MAPKAPK3: variants seen among roughly 807,000 people sequenced by gnomAD.
MAPKAPK3 encodes the protein MAP kinase-activated protein kinase 3.
Under a neutral mutation model 49.2 loss-of-function variants are expected in MAPKAPK3, and 35 were observed. The ratio of observed to expected loss-of-function variants is 0.71; its 90% CI spans 0.54 to 0.94. The LOEUF is 0.94. Ranked by LOEUF, MAPKAPK3 falls within the 40% of genes least tolerant of loss-of-function variation. The pLI, the probability that MAPKAPK3 is intolerant of heterozygous loss-of-function variation, is 0.00. For synonymous variants in MAPKAPK3, 178 were observed against 188.7 expected, an observed-to-expected ratio of 0.94 and a Z score of 0.46; for missense variants, 398 against 493.1, an observed-to-expected ratio of 0.81 and a Z score of 1.83.
chr3:50,611,711 A>C, upstream of MAPKAPK3: 1 of 1,438,516 alleles, frequency 7.0e-7, no homozygotes, highest in Non-Finnish European at 9.1e-7. Context: ...GGCTGGAGGG[A>C]ACCAGTGGGC....
intron 7 of MAPKAPK3, 68 bp from the exon 8 acceptor site, chr3:50,646,072 T>C: frequency 3.2e-6 from 5 of 1,567,124 alleles, no homozygotes; most frequent in Non-Finnish European, 4.3e-6. Context: ...TCAGGGGCTT[T>C]TGAGGGGAAA....
chr3:50,611,794 C>T, upstream of MAPKAPK3: 2 of 1,143,638 alleles, frequency 1.7e-6, no homozygotes, highest in Non-Finnish European at 1.1e-6. Context: ...TGGCGCGGAC[C>T]GCCTGCGAGG....
intron 2 of MAPKAPK3, among the ~76,000 whole-genome samples, chr3:50,634,221 C>G (rs935146064): frequency 6.6e-6 from 1 of 152,210 alleles, no homozygotes; most frequent in East Asian, 1.9e-4. Flanking sequence ...GGGACCCACA[C>G]CTCAGGTGCA....
intron 10 of MAPKAPK3, 70 bp from the exon 11 acceptor site, chr3:50,647,824 C>A (rs985867828): frequency 8.2e-6 from 12 of 1,468,248 alleles, no homozygotes; most frequent in Middle Eastern, 4.9e-4. Context: ...GCTGCCCAGG[C>A]AGGGGGGTGA....
At chr3:50,630,190 G>C (rs2032867757) in intron 2 of MAPKAPK3, among the ~76,000 whole-genome samples, 1 of 152,228 alleles carries the variant, frequency 6.6e-6, no homozygotes, top group African/African-American at 2.4e-5. Context: ...GGAAGGGAAG[G>C]AGCCAGGACC....
At chr3:50,630,617 G>T (rs1332136432) in intron 2 of MAPKAPK3, among the ~76,000 whole-genome samples, 1 of 152,284 alleles carries the variant, frequency 6.6e-6, no homozygotes, top group Non-Finnish European at 1.5e-5. Context: ...AGCAGGGCCT[G>T]GTCCAGACCA....
At chr3:50,631,265 AG>A in intron 2 of MAPKAPK3, among the ~76,000 whole-genome samples, 1 of 152,256 alleles carries the variant, frequency 6.6e-6, no homozygotes. Context: ...GTGGCTAAAA[AG>A]TTAGATATTA....
chr3:50,621,179 T>C (rs1187734949), intron 2 of MAPKAPK3, among the ~76,000 whole-genome samples: 2 of 152,160 alleles, frequency 1.3e-5, no homozygotes, highest in East Asian at 3.9e-4. Flanking sequence ...AGCAATAGGC[T>C]GGGTGCGGTG....
At chr3:50,639,897 G>A (rs2033134782) in intron 2 of MAPKAPK3, among the ~76,000 whole-genome samples, 1 of 152,196 alleles carries the variant, frequency 6.6e-6, no homozygotes. Context: ...GGCCTACTAT[G>A]TACCAGGTGC....
intron 2 of MAPKAPK3, among the ~76,000 whole-genome samples, chr3:50,619,087 T>C (rs1446714316): frequency 6.6e-6 from 1 of 152,242 alleles, no homozygotes; most frequent in Admixed American, 6.5e-5. Flanking sequence ...GATGATATCC[T>C]AGACTCTGGA....
chr3:50,642,362 CG>C, intron 5 of MAPKAPK3, 30 bp downstream of exon 5: 10 of 1,556,564 alleles, frequency 6.4e-6, no homozygotes, highest in African/African-American at 1.4e-5. Context: ...GTTGGGGGCC[CG>C]GGGAAGAGGA....
upstream of MAPKAPK3, among the ~76,000 whole-genome samples, chr3:50,614,889 T>C (rs545848728): frequency 1.3e-5 from 2 of 152,360 alleles, no homozygotes; most frequent in East Asian, 3.9e-4. Context: ...TTACTTTTCA[T>C]ACTTCTGTAT....
chr3:50,624,005 C>A (rs2032673351), intron 2 of MAPKAPK3, among the ~76,000 whole-genome samples: 1 of 152,216 alleles, frequency 6.6e-6, no homozygotes, highest in Non-Finnish European at 1.5e-5. Context: ...ACACAAGGAC[C>A]ATGATGACTG....
chr3:50,624,102 C>A (rs768285487), intron 2 of MAPKAPK3, among the ~76,000 whole-genome samples: 1 of 152,204 alleles, frequency 6.6e-6, no homozygotes, highest in African/African-American at 2.4e-5. Flanking sequence ...CAGAGCACCA[C>A]GGGCAGGAAA....
intron 6 of MAPKAPK3, 75 bp from the exon 7 acceptor site, chr3:50,645,635 G>T: frequency 4.9e-6 from 6 of 1,222,674 alleles, no homozygotes; most frequent in Non-Finnish European, 7.2e-6. Context: ...TCCCCACCTT[G>T]CCCAGGCTTT....
At chr3:50,619,757 A>G (rs546271014) in intron 2 of MAPKAPK3, among the ~76,000 whole-genome samples, 81 of 152,182 alleles carry the variant, frequency 5.3e-4, no homozygotes, top group Non-Finnish European at 1.0e-4. Flanking sequence ...ACACAGTGCC[A>G]GCTTTAAGTA....
Position 50,617,502 on chromosome 3 carries a change from C to T in MAPKAPK3, c.-52-12C>T. 1 of 793,594 alleles carries T rather than the reference C, an allele frequency of 1.3e-6. No homozygotes were observed. Among genetic ancestry groups the T allele is most frequent in the Admixed American group, 2.3e-5 (1 of 43,174 alleles). 49.2% of individuals were successfully genotyped at this position (793,594 alleles called of 1,614,324 possible). ...AAGTCTGGGCGGGACTCACTCTTCC[C>T]CTTTCCCCCAGGTGCCACTAGAAGC... On this transcript the variant is annotated splice_polypyrimidine_tract_variant and intron_variant, in intron 1 of 10. Coordinates refer to ENST00000621469, the MANE Select transcript of MAPKAPK3 (RefSeq NM_001243925.2).
upstream of MAPKAPK3, among the ~76,000 whole-genome samples, chr3:50,613,191 G>A (rs1194690175): frequency 6.6e-6 from 1 of 152,070 alleles, no homozygotes; most frequent in Non-Finnish European, 1.5e-5. Context: ...CTGAGATCCT[G>A]GGCAGGGATG....
intron 5 of MAPKAPK3, among the ~76,000 whole-genome samples, chr3:50,643,696 G>C (rs908790722): frequency 6.6e-6 from 1 of 152,034 alleles, no homozygotes; most frequent in Non-Finnish European, 1.5e-5. Context: ...CAATTGAGAA[G>C]GTCAGATCTT....
Sources: allele counts gnomAD v4.1 joint callset (sites outside exome capture counted in the v4.1 genomes callset), GRCh38; gene constraint gnomAD v4.1.1; transcripts MANE v1.5; gene names NCBI Gene and HGNC (gene_info 2026-07-23, HGNC 2026-07-21).